Variants in COPB1 observed in about 807,000 individuals in gnomAD.
COPB1 encodes the protein coat protein complex I subunit beta 1, also known as coatomer subunit beta.
A neutral mutation model predicts 108.7 loss-of-function variants in COPB1; 21 were observed. That is an observed-to-expected ratio of 0.19 (90% CI 0.14 to 0.28). The LOEUF is 0.28. Among genes scored for constraint, COPB1 ranks in the 10% least tolerant of loss-of-function variants. COPB1 has a pLI of 1.00. For synonymous variants in COPB1, 378 were observed against 386.8 expected, an observed-to-expected ratio of 0.98 and a Z score of 0.27; for missense variants, 919 against 1,141.3, an observed-to-expected ratio of 0.81 and a Z score of 2.81.
intron 7 of COPB1, among the ~76,000 whole-genome samples, chr11:14,486,054 T>A (rs185115019): frequency 3.1e-4 from 47 of 152,228 alleles, no homozygotes; most frequent in African/African-American, 1.1e-3. Context: ...GAAGAGGGAT[T>A]AGTCTTGCTG....
chr11:14,458,917 G>A (rs772617313), intron 20 of COPB1, among the ~76,000 whole-genome samples: 3 of 151,998 alleles, frequency 2.0e-5, no homozygotes, highest in Non-Finnish European at 4.4e-5. Context: ...ACAGGCATTC[G>A]CCACCACACC....
intron 11 of COPB1, among the ~76,000 whole-genome samples, chr11:14,477,609 T>C (rs2134110365): frequency 6.9e-6 from 1 of 144,776 alleles, no homozygotes; most frequent in Admixed American, 6.9e-5. Context: ...TAAGAGCTCC[T>C]TGAGGCCGGG....
Position 14,494,439 on chromosome 11 carries a change from T to A in COPB1, c.92A>T (p.Glu31Val). ...PSEISLKNDL[E>V]KGDVKSKTEA... ...AGTCTTTGACTTTACATCTCCTTTT[T>A]CTGAATCAAAAATTTTTTTAAAAAA... is the stretch of plus-strand genomic sequence containing the variant. Residue 31 changes from glutamate (E) to valine (V), a missense_variant and splice_region_variant, in exon 3 of 22, where the codon GAA becomes GTA. By Grantham distance (121) the Glu-to-Val change is moderately radical. Around this residue, in one of 5 missense-constraint regions of COPB1, gnomAD observed 92 missense variants for 108.4 expected, o/e 0.85. Transcript: ENST00000439561. 1 of 1,502,152 alleles carries A rather than the reference T, an allele frequency of 6.7e-7. No individual in the cohort carries two copies. The highest frequency in any genetic ancestry group is 9.0e-7 in the Non-Finnish European group (1 of 1,107,888). The allele number at this position is 1,502,152 out of a possible 1,614,324, so 93.1% of individuals were successfully genotyped here. A position where few individuals can be genotyped will look rare whatever the true frequency, so the allele number is the denominator to read the frequency against.
intron 18 of COPB1, among the ~76,000 whole-genome samples, chr11:14,462,769 T>C (rs1281453040): frequency 6.6e-6 from 1 of 152,174 alleles, no homozygotes; most frequent in Non-Finnish European, 1.5e-5. Flanking sequence ...CTCCAATCAC[T>C]ATCTCTTTCA....
At position 14,498,919 on chromosome 11, in the gene COPB1, C is replaced by T. The variant is rs752729165; in HGVS notation, c.10G>A (p.Ala4Thr). ...ATTAACGTGTAGCATACGTTCTCAG[C>T]CGCCGTCATGGTTTCTGGTTATATT... is the stretch of plus-strand genomic sequence containing the variant. MTAAENVCYTLINV... is the reference protein window; with the variant it reads MTATENVCYTLINV... The change falls in exon 2 of 22, where the codon GCT becomes ACT. Residue 4 changes from alanine to threonine, a missense_variant. Around this residue, in one of 5 missense-constraint regions of COPB1, gnomAD observed 92 missense variants for 108.4 expected, o/e 0.85. Coordinates refer to ENST00000439561, the MANE Select transcript of COPB1 (RefSeq NM_001144061.2). The T allele has an allele frequency of 6.2e-7, 1 of 1,607,628 alleles. No homozygotes were observed. Among genetic ancestry groups the T allele is most frequent in the South Asian group, 1.1e-5 (1 of 88,894 alleles).
At chr11:14,462,233 C>CTTTTTTTTTT (rs928263474) in intron 18 of COPB1, among the ~76,000 whole-genome samples, 6 of 134,198 alleles carry the variant, frequency 4.5e-5, no homozygotes, top group African/African-American at 5.4e-5. Context: ...CTTTTCTTTT[C>CTTTTTTTTTT]TTTTTTTTTT....
chr11:14,470,809 G>A (rs1589955920), intron 14 of COPB1, among the ~76,000 whole-genome samples: 1 of 151,608 alleles, frequency 6.6e-6, no homozygotes, highest in East Asian at 1.9e-4. Context: ...CACAAGTACA[G>A]CAAACATGAA....
chr11:14,475,720 T>C (rs1565016940), intron 13 of COPB1, 65 bp downstream of exon 13: 4 of 1,347,952 alleles, frequency 3.0e-6, no homozygotes, highest in Non-Finnish European at 3.9e-6. Flanking sequence ...ATCATTTGAC[T>C]GTCTTACATA....
chr11:14,470,944 A>ACACACACACACTCTCTCT (rs1285522756), intron 14 of COPB1, among the ~76,000 whole-genome samples: 4 of 90,156 alleles, frequency 4.4e-5, no homozygotes, highest in African/African-American at 2.1e-4. Context: ...ACACACACAC[A>ACACACACACACTCTCTCT]CTCTCTCTCT....
chr11:14,484,512 G>A (rs1433501069), intron 7 of COPB1, among the ~76,000 whole-genome samples: 1 of 152,196 alleles, frequency 6.6e-6, no homozygotes, highest in Non-Finnish European at 1.5e-5. Context: ...AAGGTCAGGA[G>A]ATCGAGACCA....
chr11:14,470,708 G>A (rs935100572), intron 14 of COPB1, among the ~76,000 whole-genome samples: 2 of 151,922 alleles, frequency 1.3e-5, no homozygotes, highest in Admixed American at 6.6e-5. Flanking sequence ...GGAAAGAGAG[G>A]AGGGGACAGA....
At position 14,457,715 on chromosome 11, in the gene COPB1, C is replaced by CAGCATGAACTCAGATTCTATATA; in HGVS notation, c.*86_*108dup. On this transcript the variant is annotated 3_prime_UTR_variant, in exon 22 of 22. Transcript: ENST00000439561. ...TATAAATTATTGGCTGAAAAGTATT[C>CAGCATGAACTCAGATTCTATATA]AGCATGAACTCAGATTCTATATAAG... 1.4e-6 allele frequency: 1 copy of CAGCATGAACTCAGATTCTATATA among 732,890 alleles called. No homozygotes were observed. Among genetic ancestry groups the CAGCATGAACTCAGATTCTATATA allele is most frequent in the South Asian group, 1.5e-5 (1 of 65,542 alleles). The allele number at this position is 732,890 out of a possible 1,614,324, so 45.4% of individuals were successfully genotyped here.
chr11:14,475,736 G>T, intron 13 of COPB1, 49 bp downstream of exon 13: 1 of 1,436,482 alleles, frequency 7.0e-7, no homozygotes, highest in Non-Finnish European at 9.2e-7. Flanking sequence ...ACATACAAGA[G>T]TAATAATAAA....
intron 12 of COPB1, 143 bp from the exon 13 acceptor site, chr11:14,476,088 T>G (rs1312694203): frequency 1.5e-6 from 1 of 674,554 alleles, no homozygotes; most frequent in Non-Finnish European, 2.4e-6. Context: ...ATTTATTTCC[T>G]TCCCAGGATA....
chr11:14,496,619 C>T (rs935565632), intron 2 of COPB1, among the ~76,000 whole-genome samples: 1 of 151,694 alleles, frequency 6.6e-6, no homozygotes, highest in Non-Finnish European at 1.5e-5. Context: ...TTAAAATGTC[C>T]ATACCACCCA....
intron 15 of COPB1, 48 bp downstream of exon 15, chr11:14,469,288 C>T (rs1589955221): frequency 1.3e-6 from 2 of 1,482,870 alleles, no homozygotes; most frequent in East Asian, 2.3e-5. Flanking sequence ...TGAGCCACTG[C>T]ACGAAGAGAC....
rs1247222273 is a variant in COPB1 at position 14,468,684 on chromosome 11, G to A, written c.2142C>T (p.Asn714=). The A allele has an allele frequency of 1.9e-6, 3 of 1,613,566 alleles. 1 individual carries two copies. In the South Asian group the frequency reaches 3.3e-5, roughly 18 times the overall value. Residue 714 remains asparagine, a synonymous_variant, in exon 16 of 22, where the codon AAC becomes AAT. Coordinates refer to ENST00000439561, the MANE Select transcript of COPB1 (RefSeq NM_001144061.2). ...EAADPLASKL[N]KVTQLTGFSD... is the part of the protein sequence containing the mutation. ...AGTCTATCAGACATTTTGTTACCTT[G>A]TTAAGTTTAGATGCTAGGGGATCTG...
chr11:14,480,883 T>A lies in COPB1; in HGVS notation c.1088A>T (p.Glu363Val). ...VEELVIVLKK[E>V]VIKTNNVSEH... is the part of the protein sequence containing the mutation. ...AGACACATTATTTGTTTTTATCACT[T>A]CCTTCTTCAGGACAATAACCAGCTT... The change falls in exon 10 of 22, where the codon GAA becomes GTA. Residue 363 changes from glutamate to valine, a missense_variant. Transcript: ENST00000439561. 6.2e-7 allele frequency: 1 copy of A among 1,614,022 alleles called. No individual in the cohort carries two copies. Among genetic ancestry groups the A allele is most frequent in the Non-Finnish European group, 8.5e-7 (1 of 1,179,950 alleles).
intron 20 of COPB1, among the ~76,000 whole-genome samples, chr11:14,458,966 C>T (rs1474549686): frequency 6.6e-6 from 1 of 152,142 alleles, no homozygotes; most frequent in Non-Finnish European, 1.5e-5. Flanking sequence ...CAGGGTTTCA[C>T]CATGTTGGCC....
Sources: gnomAD v4.1 joint callset for allele counts (sites outside exome capture counted in the v4.1 genomes callset) on GRCh38, gnomAD v4.1.1 for gene constraint, gnomAD v4.1.1 regional missense constraint, MANE v1.5 for transcripts, NCBI Gene and HGNC (gene_info 2026-07-23, HGNC 2026-07-21) for gene names.